Variants in TMEM143 observed in about 807,000 individuals in gnomAD.
TMEM143 encodes transmembrane protein 143.
In TMEM143, 45 loss-of-function variants were observed where a neutral mutation model predicts 40.3. The ratio of observed to expected loss-of-function variants is 1.12; its 90% CI spans 0.88 to 1.43. The LOEUF (loss-of-function observed/expected upper bound fraction) is 1.43, where lower values mean the gene tolerates loss of function less well. Among genes scored for constraint, TMEM143 ranks in the 40% most tolerant of loss-of-function variants. The pLI, the probability that TMEM143 is intolerant of heterozygous loss-of-function variation, is 0.00. For missense variants in TMEM143, 620 were observed against 613.4 expected, an observed-to-expected ratio of 1.01 and a Z score of -0.11; for synonymous variants, 299 against 282.7, an observed-to-expected ratio of 1.06 and a Z score of -0.58.
chr19:48,337,102 A>G (rs1969388656), intron 6 of TMEM143, among the ~76,000 whole-genome samples: 2 of 152,082 alleles, frequency 1.3e-5, no homozygotes, highest in Admixed American at 1.3e-4. Context: ...AAATGAGCTC[A>G]GGGCCACTGG....
chr19:48,356,861 T>C (rs1486171985), intron 3 of TMEM143, among the ~76,000 whole-genome samples: 1 of 145,972 alleles, frequency 6.9e-6, no homozygotes, highest in Non-Finnish European at 1.5e-5. Context: ...CCCAAAGTGC[T>C]GGGATTACAG....
At chr19:48,337,426 A>G (rs934021844) in intron 6 of TMEM143, among the ~76,000 whole-genome samples, 2 of 152,020 alleles carry the variant, frequency 1.3e-5, no homozygotes, top group Non-Finnish European at 2.9e-5. Flanking sequence ...CGGCGCCTGT[A>G]ATCCCAGCCA....
At chr19:48,343,166 G>T in intron 5 of TMEM143, 155 bp downstream of exon 5, 1 of 982,170 alleles carries the variant, frequency 1.0e-6, no homozygotes, top group Non-Finnish European at 1.5e-6. Context: ...ACTTTCCCTT[G>T]AGAAGAAAAG....
chr19:48,361,720 G>A (rs540317586), intron 2 of TMEM143, among the ~76,000 whole-genome samples: 6 of 150,978 alleles, frequency 4.0e-5, no homozygotes, highest in East Asian at 2.0e-4. Context: ...TAGTAGAGAC[G>A]GTTTCATCGT....
rs1234107263 is a variant in TMEM143, at chr19:48,333,896, C to T, written c.1165+112G>A. 24 of 1,236,062 alleles carry T rather than the reference C, an allele frequency of 1.9e-5. No individual in the cohort carries two copies. Among genetic ancestry groups the T allele is most frequent in the Non-Finnish European group, 2.6e-5 (24 of 918,430 alleles). 76.6% of individuals were successfully genotyped at this position (1,236,062 alleles called of 1,614,324 possible). A position where few individuals can be genotyped will look rare whatever the true frequency, so the allele number is the denominator to read the frequency against. On this transcript the variant is annotated intron_variant, in intron 7 of 7. Coordinates refer to ENST00000293261, the MANE Select transcript of TMEM143 (RefSeq NM_018273.4). This position sits in a 1 kb window ranked among gnomAD's most constrained non-coding sequence, Gnocchi z 4.1. ...TGTCTGCTGAGGGCCGGGGTCTCTT[C>T]GCAAACCCGTCAGGTTCACCCGTGG...
In TMEM143 at chr19:48,333,504, G is replaced by A. The variant is rs1464419578; in HGVS notation, c.1166-71C>T. The A allele has an allele frequency of 9.4e-7, 1 of 1,069,346 alleles. No individual in the cohort carries two copies. Among genetic ancestry groups the A allele is most frequent in the Non-Finnish European group, 1.4e-6 (1 of 725,512 alleles). The allele number at this position is 1,069,346 out of a possible 1,614,324, so 66.2% of individuals were successfully genotyped here. ...GAAGATTCGAGGGAGCAGCAAGGAG[G>A]GGCGTAGGGCAAAGAACAGGAAGGG... On this transcript the variant is annotated intron_variant, in intron 7 of 7. Transcript: ENST00000293261. The surrounding 1 kb of genome is among the most constrained non-coding windows in gnomAD (Gnocchi z 4.1).
In TMEM143 at chr19:48,341,792, C is replaced by A. The variant is rs575523621; in HGVS notation, c.975+738G>T. On this transcript the variant is annotated intron_variant, in intron 6 of 7. Transcript: ENST00000293261. ...CCAGGAAGTCTGCTTCCAGAACACA[C>A]CCCCTTCACCGCATCACTAAAGCGC... 2.0e-5 allele frequency among the ~76,000 whole-genome samples: 3 copies of A among 152,006 alleles called. No homozygotes were observed. The East Asian group carries it at 5.8e-4, about 30-fold the overall frequency.
chr19:48,334,383 TG>T (rs1218986431), intron 6 of TMEM143, among the ~76,000 whole-genome samples, 186 bp from the exon 7 acceptor site: 1 of 152,172 alleles, frequency 6.6e-6, no homozygotes, highest in Admixed American at 6.5e-5. Context: ...TGGGGATTTT[TG>T]GGGTCTGTCT....
intron 3 of TMEM143, among the ~76,000 whole-genome samples, chr19:48,347,772 G>A (rs1340225814): frequency 6.6e-6 from 1 of 151,238 alleles, no homozygotes; most frequent in African/African-American, 2.4e-5. Flanking sequence ...TGGCCAGGCT[G>A]GTCTCAAACT....
rs563547422 is a variant in TMEM143 at position 48,333,805 on chromosome 19, C to A, written c.1165+203G>T. 6.6e-6 allele frequency among the ~76,000 whole-genome samples: 1 copy of A among 152,242 alleles called. No homozygotes were observed. Among genetic ancestry groups the A allele is most frequent in the African/African-American group, 2.4e-5 (1 of 41,552 alleles). On this transcript the variant is annotated intron_variant, in intron 7 of 7. Coordinates refer to ENST00000293261, the MANE Select transcript of TMEM143 (RefSeq NM_018273.4). The surrounding 1 kb of genome is among the most constrained non-coding windows in gnomAD (Gnocchi z 4.1). ...CGTGCCATGGAGCCAAGACTCCCAA[C>A]CAGGCTGAGGTTAAGAAAGGGCTGT...
intron 6 of TMEM143, among the ~76,000 whole-genome samples, chr19:48,338,319 T>C (rs10421914): frequency 0.5 from 75,708 of 151,964 alleles, 19,200 homozygotes; most frequent in African/African-American, 0.57. Flanking sequence ...TGTCTGCACA[T>C]AGGTTCAGAG....
chr19:48,332,660 C>T lies in TMEM143; in HGVS notation c.*559G>A, dbSNP rs977704597. ...CCATTTAAGCAGCAGCAATTGATAG[C>T]AAGATCAGGTTTCCTTTAGAAATTC... On this transcript the variant is annotated 3_prime_UTR_variant, in exon 8 of 8. Coordinates refer to ENST00000293261, the MANE Select transcript of TMEM143 (RefSeq NM_018273.4). The T allele has an allele frequency of 6.6e-6, 1 of 152,294 alleles. No homozygotes were observed. Among genetic ancestry groups the T allele is most frequent in the Non-Finnish European group, 1.5e-5 (1 of 68,064 alleles). 9.4% of individuals were successfully genotyped at this position (152,294 alleles called of 1,614,324 possible). A position where few individuals can be genotyped will look rare whatever the true frequency, so the allele number is the denominator to read the frequency against.
Position 48,345,316 on chromosome 19 carries a change from G to A in TMEM143, c.408C>T (p.Leu136=), listed in dbSNP as rs763532895. ...GGGGATCCGTTAGTGATGGCTGATC[G>A]AGGGTCTCCCTGTCAGGGTTGATGG... The part of the protein sequence containing the change: ...YDPINPDRET[L]DQPSLTDPQR... The change falls in exon 4 of 8, where the codon CTC becomes CTT. Residue 136 remains leucine, a synonymous_variant. Coordinates refer to ENST00000293261, the MANE Select transcript of TMEM143 (RefSeq NM_018273.4). 7 of 1,593,412 alleles carry A rather than the reference G, an allele frequency of 4.4e-6. No individual in the cohort carries two copies. Among genetic ancestry groups the A allele is most frequent in the Admixed American group, 3.5e-5 (2 of 57,004 alleles).
At chr19:48,349,296 C>T (rs1049496996) in intron 3 of TMEM143, among the ~76,000 whole-genome samples, 1 of 152,170 alleles carries the variant, frequency 6.6e-6, no homozygotes, top group Non-Finnish European at 1.5e-5. Flanking sequence ...GCCTCCTTCC[C>T]TTTTCACCAT....
chr19:48,336,450 G>A (rs892018553), intron 6 of TMEM143, among the ~76,000 whole-genome samples: 20 of 151,872 alleles, frequency 1.3e-4, no homozygotes, highest in Non-Finnish European at 1.5e-4. Flanking sequence ...GCTTGAGCCC[G>A]GGAAGTGGAG....
chr19:48,335,924 A>G (rs550072642), intron 6 of TMEM143, among the ~76,000 whole-genome samples: 3 of 151,918 alleles, frequency 2.0e-5, no homozygotes, highest in Non-Finnish European at 4.4e-5. Flanking sequence ...TTGTAAAGAG[A>G]AGAGGAGAGG....
At chr19:48,343,212 A>G (rs1489073822) in intron 5 of TMEM143, 109 bp downstream of exon 5, 10 of 1,410,070 alleles carry the variant, frequency 7.1e-6, no homozygotes, top group Middle Eastern at 5.1e-4. Flanking sequence ...CCATTTCTCA[A>G]CTTCCCGCCT....
At chr19:48,358,946 A>G (rs917296678) in intron 3 of TMEM143, among the ~76,000 whole-genome samples, 13 of 152,156 alleles carry the variant, frequency 8.5e-5, no homozygotes, top group African/African-American at 3.1e-4. Flanking sequence ...AGGCGGGTGG[A>G]TCACTTGAGG....
At chr19:48,337,254 A>T (rs1324058908) in intron 6 of TMEM143, among the ~76,000 whole-genome samples, 1 of 151,522 alleles carries the variant, frequency 6.6e-6, no homozygotes, top group Non-Finnish European at 1.5e-5. Context: ...CACGGTTAAT[A>T]AAACATTGGG....
Sources: gnomAD v4.1 joint callset for allele counts (sites outside exome capture counted in the v4.1 genomes callset) on GRCh38, gnomAD v4.1.1 for gene constraint, Gnocchi (gnomAD v3.1) non-coding constraint, MANE v1.5 for transcripts, NCBI Gene and HGNC (gene_info 2026-07-23, HGNC 2026-07-21) for gene names.